The following BLOC1S2 variants were observed in gnomAD, a reference collection of about 807,000 sequenced individuals.
The protein encoded by BLOC1S2 is biogenesis of lysosomal organelles complex 1 subunit 2.
BLOC1S2 carries 12 observed loss-of-function variants against 19.6 expected under a neutral mutation model. The ratio of observed to expected loss-of-function variants is 0.61; its 90% confidence interval spans 0.39 to 0.99. The LOEUF (loss-of-function observed/expected upper bound fraction) is 0.99, where lower values mean the gene tolerates loss of function less well. Ranked by LOEUF, BLOC1S2 falls within the 50% of genes least tolerant of loss-of-function variation. BLOC1S2 has a pLI of 0.00. For synonymous variants in BLOC1S2, 66 were observed against 64.1 expected (o/e 1.03, Z -0.14); for missense variants, 142 against 171.0 (o/e 0.83, Z 0.95).
chr10:100,274,779 C>T lies in BLOC1S2; in HGVS notation c.*683G>A. ...ACATAAACACACATACCCATCTAGT[C>T]TTTGTTTTCATCACATTTCCCAAAC... On this transcript the variant is annotated 3_prime_UTR_variant, in exon 5 of 5. Coordinates refer to ENST00000370372, the MANE Select transcript of BLOC1S2 (RefSeq NM_173809.5). 1 of 394,996 alleles carries T rather than the reference C, an allele frequency of 2.5e-6. No individual in the cohort carries two copies. The highest frequency in any genetic ancestry group is 4.5e-6 in the Non-Finnish European group (1 of 224,266). The allele number at this position is 394,996 out of a possible 1,614,324, so 24.5% of individuals were successfully genotyped here. A position where few individuals can be genotyped will look rare whatever the true frequency, so the allele number is the denominator to read the frequency against.
At chr10:100,281,682 C>CA (rs1157230215) in intron 2 of BLOC1S2, among the ~76,000 whole-genome samples, 1,495 of 69,530 alleles carry the variant, frequency 0.022, 50 homozygotes, top group African/African-American at 0.085. Flanking sequence ...GACTCCATCT[C>CA]AAAAAAAAAA....
At chr10:100,277,667 C>A (rs1219438553) in intron 4 of BLOC1S2, among the ~76,000 whole-genome samples, 1 of 122,700 alleles carries the variant, frequency 8.1e-6, no homozygotes, top group Non-Finnish European at 1.7e-5. Flanking sequence ...GGGGGCTCAG[C>A]CCCCCCGCCC....
chr10:100,286,676 T>C lies in BLOC1S2; in HGVS notation c.-17A>G. The C allele has an allele frequency of 3.1e-6, 5 of 1,607,764 alleles. No homozygotes were observed. Among genetic ancestry groups the C allele is most frequent in the Non-Finnish European group, 4.2e-6 (5 of 1,177,164 alleles). On this transcript the variant is annotated 5_prime_UTR_variant, in exon 1 of 5. Transcript: ENST00000370372. ...CGCCGCCATAGCGGACCCCGCGCTG[T>C]TTCCGGGCCGGGGTGCTGCGCATGC...
chr10:100,283,883 A>C (rs1848171803), intron 2 of BLOC1S2, among the ~76,000 whole-genome samples: 1 of 152,218 alleles, frequency 6.6e-6, no homozygotes, highest in Non-Finnish European at 1.5e-5. Context: ...TCTAAATAAA[A>C]TAAAATAAAA....
intron 4 of BLOC1S2, among the ~76,000 whole-genome samples, chr10:100,279,402 C>G (rs1454173745): frequency 6.6e-6 from 1 of 152,130 alleles, no homozygotes; most frequent in Non-Finnish European, 1.5e-5. Context: ...TTACTTATCC[C>G]CTTAAACCAG....
intron 4 of BLOC1S2, among the ~76,000 whole-genome samples, chr10:100,278,912 CTTG>C (rs1437276650): frequency 2.6e-5 from 4 of 151,988 alleles, no homozygotes; most frequent in African/African-American, 9.7e-5. Context: ...ACAGCAAGGC[CTTG>C]TTTCAAAAAC....
At position 100,275,033 on chromosome 10, in the gene BLOC1S2, AATC is replaced by A. The variant is rs1847817402; in HGVS notation, c.*426_*428del. Reference sequence around the variant, plus strand: ...GTTTTGTTTTCCTTTTTAAATTTAGAATCTTGTTTACAACACATTAGCATCATT... The same window carrying A: ...GTTTTGTTTTCCTTTTTAAATTTAGATTGTTTACAACACATTAGCATCATT... On this transcript the variant is annotated 3_prime_UTR_variant, in exon 5 of 5. Transcript: ENST00000370372. 1 of 399,026 alleles carries A rather than the reference AATC, an allele frequency of 2.5e-6. No homozygotes were observed. Among genetic ancestry groups the A allele is most frequent in the African/African-American group, 2.1e-5 (1 of 48,630 alleles). 24.7% of individuals were successfully genotyped at this position (399,026 alleles called of 1,614,324 possible).
intron 4 of BLOC1S2, among the ~76,000 whole-genome samples, chr10:100,278,370 G>T (rs1272091051): frequency 6.6e-6 from 1 of 152,252 alleles, no homozygotes; most frequent in African/African-American, 2.4e-5. Flanking sequence ...TGATGACGAT[G>T]GCGGTTTTCT....
chr10:100,280,812 T>C (rs1406647131), intron 3 of BLOC1S2, 122 bp downstream of exon 3: 6 of 1,301,758 alleles, frequency 4.6e-6, no homozygotes, highest in Admixed American at 3.2e-5. Context: ...AAATTTGGAA[T>C]TCATTTTTAG....
In BLOC1S2 at chr10:100,286,202, C is replaced by G. The variant is rs1290806343; in HGVS notation, c.67G>C (p.Val23Leu). 3.1e-6 allele frequency: 5 copies of G among 1,613,880 alleles called. No individual in the cohort carries two copies. In the Admixed American group the frequency reaches 6.7e-5, roughly 22 times the overall value. ...SDEPARDDAAVETAEEAKEPA... is the reference protein window; with the variant it reads ...SDEPARDDAALETAEEAKEPA... ...TCCTTTGCTTCCTCAGCTGTCTCCA[C>G]GGCGGCATCGTCTGGGCCAAGGGAG... Residue 23 changes from valine (V) to leucine (L), a missense_variant, in exon 2 of 5, where the codon GTG becomes CTG. By Grantham distance (32) the Val-to-Leu change is conservative. Transcript: ENST00000370372.
intron 4 of BLOC1S2, among the ~76,000 whole-genome samples, chr10:100,276,468 C>T (rs1847869614): frequency 1.1e-5 from 1 of 87,084 alleles, no homozygotes; most frequent in Non-Finnish European, 2.4e-5. Context: ...TCTCCCGTCT[C>T]CCTCTCCCTC....
At chr10:100,281,731 C>T (rs1425376209) in intron 2 of BLOC1S2, among the ~76,000 whole-genome samples, 5 of 150,390 alleles carry the variant, frequency 3.3e-5, no homozygotes, top group African/African-American at 1.2e-4. Flanking sequence ...CACACACACA[C>T]ACACACACAC....
intron 4 of BLOC1S2, among the ~76,000 whole-genome samples, chr10:100,279,186 G>A (rs557782272): frequency 3.7e-4 from 57 of 152,184 alleles, no homozygotes; most frequent in Admixed American, 1.1e-3. Flanking sequence ...CAAACCACTA[G>A]TACTAAAAAT....
chr10:100,277,012 AG>A (rs1212239366), intron 4 of BLOC1S2, among the ~76,000 whole-genome samples: 17 of 148,154 alleles, frequency 1.1e-4, no homozygotes, highest in African/African-American at 4.3e-4. Context: ...CAGTCTGGAA[AG>A]TGAGGAGCGT....
chr10:100,280,245 A>G lies in BLOC1S2; in HGVS notation c.293-17T>C. The G allele has an allele frequency of 6.3e-7, 1 of 1,578,798 alleles. No individual in the cohort carries two copies. On this transcript the variant is annotated splice_polypyrimidine_tract_variant and intron_variant, in intron 3 of 4. Transcript: ENST00000370372. ...GTCCAGCATCTTTAAAAACAAAGAA[A>G]AACTTCATGTTTATATGGCTTTATT...
chr10:100,284,602 C>T (rs1450494937), intron 2 of BLOC1S2, among the ~76,000 whole-genome samples: 2 of 152,122 alleles, frequency 1.3e-5, no homozygotes, highest in South Asian at 2.1e-4. Context: ...GCGATTCTCC[C>T]GTGTCAGCCT....
At position 100,275,210 on chromosome 10, in the gene BLOC1S2, T is replaced by C. The variant is rs2134346187; in HGVS notation, c.*252A>G. On this transcript the variant is annotated 3_prime_UTR_variant, in exon 5 of 5. Transcript: ENST00000370372. ...TTTCTGAACTTTGTGAGAGTCTCTG[T>C]CCTGAATATGGCAAAGCATTCAAGT... is the stretch of plus-strand genomic sequence containing the variant. The C allele has an allele frequency of 2.2e-6, 1 of 447,020 alleles. No homozygotes were observed. The highest frequency in any genetic ancestry group is 3.2e-5 in the East Asian group (1 of 31,556). 27.7% of individuals were successfully genotyped at this position (447,020 alleles called of 1,614,324 possible). A position where few individuals can be genotyped will look rare whatever the true frequency, so the allele number is the denominator to read the frequency against.
chr10:100,278,433 C>T (rs11190453), intron 4 of BLOC1S2, among the ~76,000 whole-genome samples: 7,552 of 127,238 alleles, frequency 0.059, 30 homozygotes, highest in East Asian at 0.27. Flanking sequence ...GGATGGTTGC[C>T]GTGTCTGTGT....
At position 100,274,883 on chromosome 10, in the gene BLOC1S2, T is replaced by C. The variant is rs565835348; in HGVS notation, c.*579A>G. The C allele has an allele frequency of 2.3e-5, 9 of 398,328 alleles. No individual in the cohort carries two copies. The highest frequency in any genetic ancestry group is 1.6e-4 in the African/African-American group (8 of 48,742). The allele number at this position is 398,328 out of a possible 1,614,324, so 24.7% of individuals were successfully genotyped here. A position where few individuals can be genotyped will look rare whatever the true frequency, so the allele number is the denominator to read the frequency against. On this transcript the variant is annotated 3_prime_UTR_variant, in exon 5 of 5. Transcript: ENST00000370372. ...ATACGCCAAGTTATCAATACTCCTTTCACCATTTCTGCTCAATCTAGAAGA... is the reference window on the plus strand; with the variant it reads ...ATACGCCAAGTTATCAATACTCCTTCCACCATTTCTGCTCAATCTAGAAGA...
Sources: allele counts gnomAD v4.1 joint callset (sites outside exome capture counted in the v4.1 genomes callset), GRCh38; gene constraint gnomAD v4.1.1; transcripts MANE v1.5; gene names NCBI Gene and HGNC (gene_info 2026-07-23, HGNC 2026-07-21).